MAP4K3: variants seen among roughly 807,000 people sequenced by gnomAD.
MAP4K3 encodes MAPK/ERK kinase kinase kinase 3.
Under a neutral mutation model 143.5 loss-of-function variants are expected in MAP4K3, and 94 were observed. The observed-to-expected ratio is 0.65, with a 90% CI of 0.55 to 0.78. The LOEUF is 0.78. MAP4K3 is among the 30% of genes least tolerant of loss of function. The pLI, the probability that MAP4K3 is intolerant of heterozygous loss-of-function variation, is 0.00. For missense variants in MAP4K3, 1,077 were observed against 1,068.1 expected, an observed-to-expected ratio of 1.01 and a Z score of -0.12; for synonymous variants, 416 against 347.2, an observed-to-expected ratio of 1.20 and a Z score of -2.20.
At chr2:39,385,758 T>C (rs1239344951) in intron 1 of MAP4K3, among the ~76,000 whole-genome samples, 1 of 151,138 alleles carries the variant, frequency 6.6e-6, no homozygotes, top group Non-Finnish European at 1.5e-5. Context: ...GCCTCCCAAG[T>C]AGCTAAGATT....
At chr2:39,299,880 T>C (rs911432299) in intron 15 of MAP4K3, 79 bp from the exon 16 acceptor site, 8 of 530,894 alleles carry the variant, frequency 1.5e-5, no homozygotes, top group African/African-American at 1.4e-4. Context: ...TAATACATAT[T>C]ATTTTTAAAA....
At chr2:39,338,654 G>A (rs1665051521) in intron 4 of MAP4K3, among the ~76,000 whole-genome samples, 1 of 152,184 alleles carries the variant, frequency 6.6e-6, no homozygotes, top group Admixed American at 6.5e-5. Context: ...GTATGCATCT[G>A]CTAAGTCCCT....
At chr2:39,365,424 A>G (rs1335279371) in intron 2 of MAP4K3, among the ~76,000 whole-genome samples, 2 of 136,820 alleles carry the variant, frequency 1.5e-5, no homozygotes, top group African/African-American at 5.3e-5. Flanking sequence ...GGGTTACGCC[A>G]TAGTAATTTT....
At chr2:39,379,242 A>G (rs140349320) in intron 1 of MAP4K3, among the ~76,000 whole-genome samples, 35 of 152,202 alleles carry the variant, frequency 2.3e-4, no homozygotes, top group African/African-American at 8.4e-4. Context: ...GATATGAGGC[A>G]CCGTCATTGC....
At chr2:39,309,899 A>G (rs978288892) in intron 13 of MAP4K3, among the ~76,000 whole-genome samples, 1 of 152,168 alleles carries the variant, frequency 6.6e-6, no homozygotes, top group Non-Finnish European at 1.5e-5. Context: ...ATAATAATTT[A>G]AAAAGTTATT....
At chr2:39,355,567 A>C (rs1183080557) in intron 3 of MAP4K3, among the ~76,000 whole-genome samples, 3 of 151,946 alleles carry the variant, frequency 2.0e-5, no homozygotes, top group African/African-American at 7.3e-5. Flanking sequence ...AAAATAGTAA[A>C]ATATTCTCTA....
chr2:39,403,864 T>C (rs555443993), intron 1 of MAP4K3, among the ~76,000 whole-genome samples: 78 of 150,726 alleles, frequency 5.2e-4, no homozygotes, highest in Admixed American at 2.1e-3. Context: ...AAGAGGACTC[T>C]AACCTGCATC....
At chr2:39,297,401 A>T (rs1281744311) in intron 16 of MAP4K3, among the ~76,000 whole-genome samples, 1 of 152,180 alleles carries the variant, frequency 6.6e-6, no homozygotes, top group Non-Finnish European at 1.5e-5. Flanking sequence ...TACAGGCGTG[A>T]GTCACCATGC....
At chr2:39,410,615 G>A (rs2148617271) in intron 1 of MAP4K3, among the ~76,000 whole-genome samples, 1 of 152,170 alleles carries the variant, frequency 6.6e-6, no homozygotes, top group South Asian at 2.1e-4. Flanking sequence ...CAGACAAATG[G>A]TAAATTATTT....
intron 1 of MAP4K3, among the ~76,000 whole-genome samples, chr2:39,393,830 T>G (rs1242983780): frequency 2.6e-5 from 4 of 152,104 alleles, no homozygotes; most frequent in African/African-American, 9.7e-5. Flanking sequence ...AAGTCAGCCA[T>G]ATATATATGG....
intron 12 of MAP4K3, among the ~76,000 whole-genome samples, chr2:39,318,855 G>A (rs1160949135): frequency 5.9e-5 from 9 of 152,168 alleles, no homozygotes; most frequent in East Asian, 5.8e-4. Context: ...GGAGCTAGAT[G>A]AGAATGTCAA....
At chr2:39,266,278 TCA>T (rs1680759343) in intron 27 of MAP4K3, among the ~76,000 whole-genome samples, 1 of 152,194 alleles carries the variant, frequency 6.6e-6, no homozygotes, top group South Asian at 2.1e-4. Flanking sequence ...GTTTGAGGCC[TCA>T]GTCATCTCTG....
At chr2:39,393,585 C>T (rs1167034640) in intron 1 of MAP4K3, among the ~76,000 whole-genome samples, 2 of 152,054 alleles carry the variant, frequency 1.3e-5, no homozygotes, top group Non-Finnish European at 2.9e-5. Context: ...CTGTATCATT[C>T]CAATTTTAGT....
intron 1 of MAP4K3, among the ~76,000 whole-genome samples, chr2:39,385,863 G>A (rs1444382741): frequency 1.3e-5 from 2 of 151,806 alleles, no homozygotes; most frequent in Admixed American, 6.6e-5. Flanking sequence ...AACTCCTGAC[G>A]TCAGGTGATC....
chr2:39,318,082 A>T (rs554357335), intron 12 of MAP4K3, among the ~76,000 whole-genome samples: 1 of 152,274 alleles, frequency 6.6e-6, no homozygotes, highest in East Asian at 1.9e-4. Context: ...AGAACGAGAT[A>T]GTGTCCTCTG....
At chr2:39,350,295 C>T (rs550752585) in intron 3 of MAP4K3, among the ~76,000 whole-genome samples, 2 of 152,286 alleles carry the variant, frequency 1.3e-5, no homozygotes, top group African/African-American at 2.4e-5. Context: ...AATAAGTATA[C>T]TGAGTTTAGC....
chr2:39,434,938 G>C (rs1468642549), intron 1 of MAP4K3, among the ~76,000 whole-genome samples: 1 of 152,022 alleles, frequency 6.6e-6, no homozygotes, highest in Non-Finnish European at 1.5e-5. Flanking sequence ...GAAATTACAG[G>C]CCCTAATTTT....
chr2:39,336,558 AGACTT>A (rs1664973421), intron 6 of MAP4K3, among the ~76,000 whole-genome samples: 1 of 150,604 alleles, frequency 6.6e-6, no homozygotes, highest in African/African-American at 2.4e-5. Flanking sequence ...ACTAAGACTT[AGACTT>A]AAGACTGCGA....
At position 39,325,710 on chromosome 2, in the gene MAP4K3, T is replaced by TA. The variant is rs768262782; in HGVS notation, c.807+19_807+20insT. On this transcript the variant is annotated intron_variant, in intron 11 of 33. Coordinates refer to ENST00000263881, the MANE Select transcript of MAP4K3 (RefSeq NM_003618.4). The stretch of plus-strand genomic sequence containing the variant: ...TTATCTTTTGAAATATATATATATA[T>TA]TTCAGGGCAAAAATAATACCTGTAA... 3 of 1,585,586 alleles carry TA rather than the reference T, an allele frequency of 1.9e-6. No homozygotes were observed. The highest frequency in any genetic ancestry group is 3.4e-5 in the Admixed American group (2 of 57,978).
Sources: allele counts gnomAD v4.1 joint callset (sites outside exome capture counted in the v4.1 genomes callset), GRCh38; gene constraint gnomAD v4.1.1; transcripts MANE v1.5; gene names NCBI Gene and HGNC (gene_info 2026-07-23, HGNC 2026-07-21).